Variants in COMMD1 observed in about 807,000 individuals in gnomAD.
COMMD1 encodes the protein copper metabolism domain containing 1, also known as COMM domain-containing protein 1.
COMMD1 carries 10 observed loss-of-function variants against 17.2 expected under a neutral mutation model. That is an observed-to-expected ratio of 0.58 (90% CI 0.36 to 0.99). COMMD1 has a LOEUF of 0.99. Among genes scored for constraint, COMMD1 ranks in the 50% least tolerant of loss-of-function variants. The pLI is 0.01. For synonymous variants in COMMD1, 97 were observed against 91.6 expected (o/e 1.06, Z -0.34); for missense variants, 270 against 231.8 (o/e 1.17, Z -1.07).
intron 2 of COMMD1, among the ~76,000 whole-genome samples, chr2:62,027,999 G>A (rs1182016920): frequency 6.6e-6 from 1 of 152,082 alleles, no homozygotes; most frequent in Non-Finnish European, 1.5e-5. Context: ...ACTAAATTTA[G>A]TTCCTGATTT....
intron 1 of COMMD1, among the ~76,000 whole-genome samples, chr2:61,921,011 T>C (rs1426276956): frequency 6.7e-6 from 1 of 149,520 alleles, no homozygotes; most frequent in Non-Finnish European, 1.5e-5. Context: ...AGAGCCTTAC[T>C]CTGTCACTGA....
intron 2 of COMMD1, among the ~76,000 whole-genome samples, chr2:62,108,273 A>G (rs1213367789): frequency 6.6e-6 from 1 of 152,180 alleles, no homozygotes; most frequent in African/African-American, 2.4e-5. Context: ...GGAGAGGAGA[A>G]AACTTTTCCC....
intron 1 of COMMD1, among the ~76,000 whole-genome samples, chr2:61,891,192 C>T (rs1387296098): frequency 1.3e-5 from 2 of 152,124 alleles, no homozygotes; most frequent in Non-Finnish European, 2.9e-5. Flanking sequence ...TGTAAGGAGT[C>T]GATCTGTCAG....
At chr2:62,082,076 A>G (rs902624977) in intron 2 of COMMD1, among the ~76,000 whole-genome samples, 2 of 152,186 alleles carry the variant, frequency 1.3e-5, no homozygotes, top group African/African-American at 4.8e-5. Context: ...TTAACCTTGT[A>G]TCCATTAGTT....
chr2:61,941,408 C>T (rs1020511071), intron 1 of COMMD1, among the ~76,000 whole-genome samples: 1 of 152,168 alleles, frequency 6.6e-6, no homozygotes, highest in African/African-American at 2.4e-5. Context: ...TTATATGATT[C>T]TGTGGGAGGG....
Position 61,905,747 on chromosome 2 carries a change from T to A in COMMD1, c.69T>A (p.Thr23=). The part of the protein sequence containing the change: ...SGLLNALAQD[T]FHGYPGITEE... Reference sequence around the variant, plus strand: ...TGCTGAATGCGCTGGCCCAGGACACTTTCCACGGGTACCCCGGCATCACAG... The same window carrying A: ...TGCTGAATGCGCTGGCCCAGGACACATTCCACGGGTACCCCGGCATCACAG... The change falls in exon 1 of 3, where the codon ACT becomes ACA. Residue 23 remains threonine, a synonymous_variant. Coordinates refer to ENST00000311832, the MANE Select transcript of COMMD1 (RefSeq NM_152516.4). 6.2e-7 allele frequency: 1 copy of A among 1,613,868 alleles called. No homozygotes were observed. Among genetic ancestry groups the A allele is most frequent in the Non-Finnish European group, 8.5e-7 (1 of 1,179,902 alleles).
intron 2 of COMMD1, among the ~76,000 whole-genome samples, chr2:62,092,548 T>C (rs1671863445): frequency 6.6e-6 from 1 of 152,204 alleles, no homozygotes; most frequent in Non-Finnish European, 1.5e-5. Context: ...CGAGAGTTGA[T>C]TGAAAGCCCC....
chr2:62,135,093 T>G (rs1286435134), intron 2 of COMMD1, among the ~76,000 whole-genome samples: 1 of 152,196 alleles, frequency 6.6e-6, no homozygotes, highest in Non-Finnish European at 1.5e-5. Flanking sequence ...GGAGACAGTA[T>G]GGACTTCGGC....
chr2:62,084,215 C>G (rs1255076057), intron 2 of COMMD1, among the ~76,000 whole-genome samples: 1 of 152,116 alleles, frequency 6.6e-6, no homozygotes, highest in Non-Finnish European at 1.5e-5. Flanking sequence ...CCAACTCCCC[C>G]ACGCCCAGCA....
At chr2:61,987,550 T>G (rs911280410) in intron 1 of COMMD1, among the ~76,000 whole-genome samples, 4 of 152,232 alleles carry the variant, frequency 2.6e-5, no homozygotes, top group African/African-American at 4.8e-5. Flanking sequence ...TCACTTTCTC[T>G]GTGCTGGACT....
chr2:61,931,138 C>T (rs533442305), intron 1 of COMMD1, among the ~76,000 whole-genome samples: 1 of 151,694 alleles, frequency 6.6e-6, no homozygotes, highest in South Asian at 2.1e-4. Flanking sequence ...TTGATGAAAC[C>T]CCATCTCTAC....
intron 2 of COMMD1, among the ~76,000 whole-genome samples, chr2:62,074,030 T>C (rs1210087912): frequency 6.6e-6 from 1 of 152,172 alleles, no homozygotes; most frequent in Non-Finnish European, 1.5e-5. Flanking sequence ...TTACAGTTTA[T>C]TTTTTCTCTT....
chr2:62,077,887 C>T (rs1330091470), intron 2 of COMMD1, among the ~76,000 whole-genome samples: 1 of 151,924 alleles, frequency 6.6e-6, no homozygotes, highest in African/African-American at 2.4e-5. Context: ...GTGGGGCTTC[C>T]AGCTTATAGG....
chr2:61,995,360 G>A (rs1349449384), intron 1 of COMMD1, among the ~76,000 whole-genome samples: 1 of 152,092 alleles, frequency 6.6e-6, no homozygotes, highest in Admixed American at 6.6e-5. Flanking sequence ...ACTTTAATCT[G>A]GCTCCAGACT....
intron 1 of COMMD1, chr2:61,915,743 C>T (rs1670030529): frequency 2.2e-6 from 1 of 451,072 alleles, no homozygotes; most frequent in Non-Finnish European, 4.5e-6. Flanking sequence ...GCAACCCTCT[C>T]TCTTTAGCCT....
intron 2 of COMMD1, among the ~76,000 whole-genome samples, chr2:62,048,685 C>T (rs897777216): frequency 2.0e-5 from 3 of 151,054 alleles, no homozygotes; most frequent in African/African-American, 7.3e-5. Context: ...AGATTTTTTT[C>T]TCGTTTTTTT....
chr2:61,993,331 G>A (rs1320270627), intron 1 of COMMD1, among the ~76,000 whole-genome samples: 1 of 152,174 alleles, frequency 6.6e-6, no homozygotes, highest in Non-Finnish European at 1.5e-5. Context: ...GAAAGTTACA[G>A]GCATTTGTTT....
At chr2:62,134,543 A>C (rs867925093) in intron 2 of COMMD1, among the ~76,000 whole-genome samples, 1 of 151,822 alleles carries the variant, frequency 6.6e-6, no homozygotes, top group Non-Finnish European at 1.5e-5. Flanking sequence ...TCCTGCTGCC[A>C]TAACTCAGAG....
At chr2:62,021,014 A>AC (rs797014707) in intron 2 of COMMD1, among the ~76,000 whole-genome samples, 4 of 152,242 alleles carry the variant, frequency 2.6e-5, no homozygotes, top group African/African-American at 9.6e-5. Context: ...AAAAAAAAAA[A>AC]AAAACTCTAC....
Sources: allele counts gnomAD v4.1 joint callset (sites outside exome capture counted in the v4.1 genomes callset), GRCh38; gene constraint gnomAD v4.1.1; transcripts MANE v1.5; gene names NCBI Gene and HGNC (gene_info 2026-07-23, HGNC 2026-07-21).